DYM: variants seen among roughly 807,000 people sequenced by gnomAD.
DYM encodes the protein dymeclin, also known as dyggve-Melchior-Clausen syndrome protein.
DYM carries 78 observed loss-of-function variants against 93.1 expected under a neutral mutation model. The observed-to-expected ratio is 0.84, with a 90% CI of 0.70 to 1.01. The LOEUF (loss-of-function observed/expected upper bound fraction) is 1.01, where lower values mean the gene tolerates loss of function less well. Ranked by LOEUF, DYM falls within the 50% of genes least tolerant of loss-of-function variation. The pLI is 0.00. For missense variants in DYM, 789 were observed against 845.0 expected (o/e 0.93, Z 0.82); for synonymous variants, 321 against 319.7 (o/e 1.00, Z -0.04).
intron 1 of DYM, among the ~76,000 whole-genome samples, chr18:49,445,074 CATT>C (rs749238938): frequency 6.6e-6 from 1 of 152,146 alleles, no homozygotes; most frequent in Non-Finnish European, 1.5e-5. Context: ...TGTTCTCAAT[CATT>C]ATTAGTATCG....
intron 8 of DYM, among the ~76,000 whole-genome samples, chr18:49,315,643 A>G (rs573849738): frequency 6.6e-6 from 1 of 152,374 alleles, no homozygotes; most frequent in East Asian, 1.9e-4. Context: ...CAAAATAAAT[A>G]CATTTCAAAT....
At chr18:49,265,050 A>G (rs973067977) in intron 11 of DYM, among the ~76,000 whole-genome samples, 5 of 152,240 alleles carry the variant, frequency 3.3e-5, no homozygotes, top group Admixed American at 6.5e-5. Flanking sequence ...CAAATATACT[A>G]GTCTCAAGCC....
At chr18:49,190,005 T>C (rs755615791) in intron 14 of DYM, among the ~76,000 whole-genome samples, 2 of 152,212 alleles carry the variant, frequency 1.3e-5, no homozygotes, top group African/African-American at 2.4e-5. Flanking sequence ...AACTAGACAA[T>C]CACAACACTG....
Position 49,321,249 on chromosome 18 carries a change from C to G in DYM, c.763+10615G>C, listed in dbSNP as rs1370493677. On this transcript the variant is annotated intron_variant, in intron 8 of 17. Coordinates refer to ENST00000675505, the MANE Select transcript of DYM (RefSeq NM_001353214.3). Reference sequence around the variant, plus strand: ...CAAATAAATGGCACTTGTAGCAAGTCTCAGAAACTTATCCCAGGATTTCAT... The same window carrying G: ...CAAATAAATGGCACTTGTAGCAAGTGTCAGAAACTTATCCCAGGATTTCAT... 5 of 396,952 alleles carry G rather than the reference C, an allele frequency of 1.3e-5. No individual in the cohort carries two copies. The East Asian group carries it at 1.8e-4, about 14-fold the overall frequency. 24.6% of individuals were successfully genotyped at this position (396,952 alleles called of 1,614,324 possible). A position where few individuals can be genotyped will look rare whatever the true frequency, so the allele number is the denominator to read the frequency against.
At position 49,346,205 on chromosome 18, in the gene DYM, G is replaced by A. The variant is rs564631338; in HGVS notation, c.495-12352C>T. ...TGCTCAAAGCAGCATTACTCATAAT[G>A]GCCAAAAAGTAAAAATAAACCCAAT... On this transcript the variant is annotated intron_variant, in intron 6 of 17. Coordinates refer to ENST00000675505, the MANE Select transcript of DYM (RefSeq NM_001353214.3). Among the ~76,000 whole-genome samples the A allele has an allele frequency of 4.6e-5, 7 of 152,140 alleles. No individual in the cohort carries two copies. The South Asian group carries it at 1.5e-3, about 32-fold the overall frequency.
intron 5 of DYM, among the ~76,000 whole-genome samples, chr18:49,371,198 C>G (rs929915805): frequency 2.6e-5 from 4 of 152,150 alleles, no homozygotes; most frequent in African/African-American, 9.7e-5. Context: ...TTATTTGGAG[C>G]CTCAAATAAG....
intron 17 of DYM, among the ~76,000 whole-genome samples, chr18:49,052,884 T>C (rs965271345): frequency 6.6e-6 from 1 of 152,214 alleles, no homozygotes; most frequent in African/African-American, 2.4e-5. Context: ...CAGCTAGAAC[T>C]GGCTGGCACA....
intron 17 of DYM, among the ~76,000 whole-genome samples, chr18:49,076,718 C>A (rs894569059): frequency 2.0e-5 from 3 of 152,196 alleles, no homozygotes; most frequent in African/African-American, 7.2e-5. Flanking sequence ...CAGCCCTGAT[C>A]ACTTTTTAAC....
chr18:49,110,186 A>G (rs2081262985), intron 16 of DYM, among the ~76,000 whole-genome samples: 1 of 152,220 alleles, frequency 6.6e-6, no homozygotes, highest in Admixed American at 6.5e-5. Flanking sequence ...GTGAAGACTA[A>G]AATATTTACA....
intron 6 of DYM, among the ~76,000 whole-genome samples, chr18:49,353,467 TGGGAAGTA>T (rs563939410): frequency 5.6e-4 from 85 of 152,086 alleles, no homozygotes; most frequent in Non-Finnish European, 9.6e-4. Context: ...ATGAAGGGTG[TGGGAAGTA>T]GTATCTTTAA....
chr18:49,432,081 A>G (rs1251285476), intron 1 of DYM, among the ~76,000 whole-genome samples: 1 of 152,188 alleles, frequency 6.6e-6, no homozygotes, highest in Non-Finnish European at 1.5e-5. Flanking sequence ...TATAAAAGAA[A>G]TATCCTGAAG....
intron 14 of DYM, among the ~76,000 whole-genome samples, chr18:49,177,562 T>C (rs544767707): frequency 6.6e-6 from 1 of 152,272 alleles, no homozygotes; most frequent in East Asian, 1.9e-4. Context: ...TTATAGGTCT[T>C]TACTGGTAAA....
At chr18:49,254,028 C>T (rs2094340691) in intron 13 of DYM, among the ~76,000 whole-genome samples, 1 of 151,938 alleles carries the variant, frequency 6.6e-6, no homozygotes, top group Non-Finnish European at 1.5e-5. Flanking sequence ...ATAAATCATG[C>T]TCTCTCACCA....
chr18:49,128,901 C>T (rs1425354293), intron 15 of DYM, among the ~76,000 whole-genome samples: 4 of 151,958 alleles, frequency 2.6e-5, no homozygotes, highest in Non-Finnish European at 4.4e-5. Flanking sequence ...ACCCAAGGAA[C>T]CTATTGATTC....
intron 17 of DYM, among the ~76,000 whole-genome samples, chr18:49,087,063 GA>G (rs1376276007): frequency 2.0e-5 from 3 of 152,028 alleles, no homozygotes; most frequent in Non-Finnish European, 1.5e-5. Flanking sequence ...CTGCCATGTG[GA>G]AGATAAAGCA....
At chr18:49,269,406 T>C (rs1489784612) in intron 11 of DYM, among the ~76,000 whole-genome samples, 5 of 152,176 alleles carry the variant, frequency 3.3e-5, no homozygotes, top group Non-Finnish European at 7.4e-5. Context: ...ATATAGATTC[T>C]TAAAGAAATT....
rs538212269 is a variant in DYM at position 49,056,114 on chromosome 18, G to A, written c.2026-11910C>T. 3.9e-5 allele frequency among the ~76,000 whole-genome samples: 6 copies of A among 152,264 alleles called. No individual in the cohort carries two copies. In the South Asian group the frequency reaches 1.2e-3, roughly 32 times the overall value. On this transcript the variant is annotated intron_variant, in intron 17 of 17. Coordinates refer to ENST00000675505, the MANE Select transcript of DYM (RefSeq NM_001353214.3). ...CTTTGGGGTTTCTCAAGTCGTTCCT[G>A]TCTCTTCAGCTGTCACCCTCTGCTC...
At chr18:49,451,747 T>C (rs757756272) in intron 1 of DYM, among the ~76,000 whole-genome samples, 6 of 152,240 alleles carry the variant, frequency 3.9e-5, no homozygotes, top group Non-Finnish European at 7.3e-5. Flanking sequence ...CTATCATAAT[T>C]TGTTTTTACC....
At chr18:49,401,065 G>C (rs1289213910) in intron 2 of DYM, among the ~76,000 whole-genome samples, 2 of 151,962 alleles carry the variant, frequency 1.3e-5, no homozygotes, top group South Asian at 2.1e-4. Context: ...CACACAAAAG[G>C]GGGCAAAAAG....
Sources: gnomAD v4.1 joint callset for allele counts (sites outside exome capture counted in the v4.1 genomes callset) on GRCh38, gnomAD v4.1.1 for gene constraint, MANE v1.5 for transcripts, NCBI Gene and HGNC (gene_info 2026-07-23, HGNC 2026-07-21) for gene names.